LYAR: variants seen among roughly 807,000 people sequenced by gnomAD.
The protein encoded by LYAR is cell growth-regulating nucleolar protein.
LYAR carries 37 observed loss-of-function variants against 45.2 expected under a neutral mutation model. The ratio of observed to expected loss-of-function variants is 0.82; its 90% CI spans 0.63 to 1.08. The LOEUF is 1.08. Among genes scored for constraint, LYAR ranks in the 50% least tolerant of loss-of-function variants. The pLI is 0.00. For synonymous variants in LYAR, 176 were observed against 155.1 expected (o/e 1.14, Z -1.00); for missense variants, 493 against 451.0 (o/e 1.09, Z -0.84).
rs1719332349 is a variant in LYAR at position 4,279,893 on chromosome 4, T to C, written c.238-144A>G. ...GTATTTATGTCTATGCTTAAAAATA[T>C]ATAGGTTAACTTCTATTAACATAGT... On this transcript the variant is annotated intron_variant, in intron 4 of 9. Coordinates refer to ENST00000343470, the MANE Select transcript of LYAR (RefSeq NM_017816.3). 6 of 608,606 alleles carry C rather than the reference T, an allele frequency of 9.9e-6. No homozygotes were observed. In the East Asian group the frequency reaches 1.6e-4, roughly 17 times the overall value. The allele number at this position is 608,606 out of a possible 1,614,324, so 37.7% of individuals were successfully genotyped here.
intron 8 of LYAR, among the ~76,000 whole-genome samples, chr4:4,272,656 G>T (rs551420548): frequency 3.4e-4 from 51 of 152,098 alleles, no homozygotes; most frequent in Non-Finnish European, 6.3e-4. Flanking sequence ...AAGAGATCTC[G>T]CCATGCTGCT....
chr4:4,275,852 C>T (rs1234019983), intron 6 of LYAR, among the ~76,000 whole-genome samples: 3 of 152,142 alleles, frequency 2.0e-5, no homozygotes, highest in South Asian at 4.2e-4. Flanking sequence ...TGCACCACCA[C>T]ACCTGGCTAA....
rs568786917 is a variant in LYAR at position 4,275,443 on chromosome 4, T to G, written c.430-674A>C. 2.2e-3 allele frequency among the ~76,000 whole-genome samples: 339 copies of G among 150,926 alleles called. 1 individual carries two copies. The highest frequency in any genetic ancestry group is 7.9e-3 in the African/African-American group (324 of 41,082). On this transcript the variant is annotated intron_variant, in intron 6 of 9. Coordinates refer to ENST00000343470, the MANE Select transcript of LYAR (RefSeq NM_017816.3). ...ATGGTCACCATTCTCATCATTCTTT[T>G]TTTTTTTTTAATGGGGACAGGGGTC...
chr4:4,286,161 C>T (rs1024641165), intron 2 of LYAR, among the ~76,000 whole-genome samples: 1 of 152,190 alleles, frequency 6.6e-6, no homozygotes, highest in Admixed American at 6.5e-5. Flanking sequence ...GCTCTGTGTC[C>T]ACTTGCTTGG....
In LYAR at chr4:4,283,858, G is replaced by A; in HGVS notation, c.-53-63C>T. ...CTTCTCATTTCAATAAATGGCTCAT[G>A]CCCCTAACTTTTCAACCATAATTTC... is the stretch of plus-strand genomic sequence containing the variant. On this transcript the variant is annotated intron_variant, in intron 2 of 9. Coordinates refer to ENST00000343470, the MANE Select transcript of LYAR (RefSeq NM_017816.3). 1.1e-5 allele frequency: 8 copies of A among 730,286 alleles called. No individual in the cohort carries two copies. In the East Asian group the frequency reaches 1.9e-4, roughly 18 times the overall value. The allele number at this position is 730,286 out of a possible 1,614,324, so 45.2% of individuals were successfully genotyped here.
intron 1 of LYAR, among the ~76,000 whole-genome samples, chr4:4,289,394 G>T (rs1483933687): frequency 3.3e-5 from 5 of 152,236 alleles, no homozygotes; most frequent in Middle Eastern, 3.4e-3. Flanking sequence ...AGAAATCAGG[G>T]TTGCAAATAC....
At chr4:4,286,968 G>A (rs938187435) in intron 1 of LYAR, among the ~76,000 whole-genome samples, 1 of 152,136 alleles carries the variant, frequency 6.6e-6, no homozygotes, top group African/African-American at 2.4e-5. Context: ...AATTTTAAAT[G>A]ATGTTTTGGC....
At chr4:4,271,018 CA>C (rs1289203982) in intron 8 of LYAR, among the ~76,000 whole-genome samples, 1 of 152,192 alleles carries the variant, frequency 6.6e-6, no homozygotes, top group African/African-American at 2.4e-5. Flanking sequence ...GTGTTACAAA[CA>C]ATCCAATTAT....
At chr4:4,284,537 C>T (rs1719531122) in intron 2 of LYAR, among the ~76,000 whole-genome samples, 1 of 152,130 alleles carries the variant, frequency 6.6e-6, no homozygotes. Context: ...TCCAGGTGTC[C>T]CAACTGCTGG....
intron 7 of LYAR, among the ~76,000 whole-genome samples, chr4:4,274,008 G>A (rs1324099390): frequency 6.6e-6 from 1 of 152,156 alleles, no homozygotes; most frequent in Non-Finnish European, 1.5e-5. Flanking sequence ...AGGCCGAGGG[G>A]GGCGGATCAC....
At chr4:4,274,240 A>C (rs923839555) in intron 7 of LYAR, 127 bp downstream of exon 7, 44 of 1,146,526 alleles carry the variant, frequency 3.8e-5, no homozygotes, top group Non-Finnish European at 4.9e-5. Flanking sequence ...CCGTCTCAAA[A>C]AAAACAAAAA....
At chr4:4,275,118 GATGTT>G (rs2108841982) in intron 6 of LYAR, among the ~76,000 whole-genome samples, 1 of 152,296 alleles carries the variant, frequency 6.6e-6, no homozygotes, top group East Asian at 1.9e-4. Context: ...GAAACCACTG[GATGTT>G]ATGTGTCTGC....
rs990714406 is a variant in LYAR at position 4,279,480 on chromosome 4, C to A, written c.396G>T (p.Gln132His). The change falls in exon 6 of 10, where the codon CAG (glutamine) becomes CAT (histidine). Residue 132 changes from glutamine to histidine, a missense_variant. Coordinates refer to ENST00000343470, the MANE Select transcript of LYAR (RefSeq NM_017816.3). ...AAGCTTCAGAAAAGATATTCCACAC[C>A]TGGTCCAGAATGGATTCATTATGAA... The part of the protein sequence containing the change: ...LKVHNESILD[Q>H]VWNIFSEASN... The A allele has an allele frequency of 6.2e-7, 1 of 1,613,248 alleles. No individual in the cohort carries two copies. The highest frequency in any genetic ancestry group is 1.3e-5 in the African/African-American group (1 of 75,016).
At position 4,279,577 on chromosome 4, in the gene LYAR, G is replaced by A. The variant is rs764812449; in HGVS notation, c.346-47C>T. The A allele has an allele frequency of 1.9e-6, 3 of 1,551,142 alleles. No homozygotes were observed. In the East Asian group the frequency reaches 6.7e-5, roughly 35 times the overall value. On this transcript the variant is annotated intron_variant, in intron 5 of 9. Coordinates refer to ENST00000343470, the MANE Select transcript of LYAR (RefSeq NM_017816.3). ...AGAACTATTGATCCCACTTGGACAG[G>A]TACACACAAGCTCAGTCACTGATGG...
chr4:4,275,533 C>T (rs1326758424), intron 6 of LYAR, among the ~76,000 whole-genome samples: 4 of 151,812 alleles, frequency 2.6e-5, no homozygotes, highest in Non-Finnish European at 5.9e-5. Context: ...CAACCTCCAG[C>T]TCCCAGACTC....
Position 4,274,349 on chromosome 4 carries a change from C to T in LYAR, c.832+18G>A, listed in dbSNP as rs754899614. ...CCCGGTTTTCAGATGAATCCCAGAGCGTGAGCTAGCCACTTACCTTCCGAG... is the reference window on the plus strand; with the variant it reads ...CCCGGTTTTCAGATGAATCCCAGAGTGTGAGCTAGCCACTTACCTTCCGAG... On this transcript the variant is annotated intron_variant, in intron 7 of 9. Coordinates refer to ENST00000343470, the MANE Select transcript of LYAR (RefSeq NM_017816.3). 10 of 1,600,610 alleles carry T rather than the reference C, an allele frequency of 6.2e-6. No individual in the cohort carries two copies. Among genetic ancestry groups the T allele is most frequent in the African/African-American group, 2.7e-5 (2 of 74,506 alleles).
At chr4:4,282,416 G>A (rs535988481) in intron 3 of LYAR, among the ~76,000 whole-genome samples, 1 of 152,280 alleles carries the variant, frequency 6.6e-6, no homozygotes, top group South Asian at 2.1e-4. Flanking sequence ...GTTCTTCAGG[G>A]AAATGTTGGG....
At chr4:4,271,092 T>C (rs1718912512) in intron 8 of LYAR, among the ~76,000 whole-genome samples, 1 of 152,208 alleles carries the variant, frequency 6.6e-6, no homozygotes, top group African/African-American at 2.4e-5. Flanking sequence ...TGTTGTGTTA[T>C]GAAATACTAG....
chr4:4,284,434 G>C (rs1469646158), intron 2 of LYAR, among the ~76,000 whole-genome samples: 2 of 152,136 alleles, frequency 1.3e-5, no homozygotes, highest in African/African-American at 4.8e-5. Flanking sequence ...TATCTACAAA[G>C]GTTAAAATGA....
Sources: allele counts gnomAD v4.1 joint callset (sites outside exome capture counted in the v4.1 genomes callset), GRCh38; gene constraint gnomAD v4.1.1; transcripts MANE v1.5; gene names NCBI Gene and HGNC (gene_info 2026-07-23, HGNC 2026-07-21).